Variants in CEP162 observed in about 807,000 individuals in gnomAD.
The protein encoded by CEP162 is centrosomal protein of 162 kDa.
A neutral mutation model predicts 169.2 loss-of-function variants in CEP162; 141 were observed. The ratio of observed to expected loss-of-function variants is 0.83; its 90% confidence interval spans 0.73 to 0.96. The LOEUF (loss-of-function observed/expected upper bound fraction) is 0.96, where lower values mean the gene tolerates loss of function less well. CEP162 is among the 40% of genes least tolerant of loss of function. The pLI, the probability that CEP162 is intolerant of heterozygous loss-of-function variation, is 0.00. For synonymous variants in CEP162, 540 were observed against 526.4 expected (o/e 1.03, Z -0.35); for missense variants, 1,600 against 1,587.2 (o/e 1.01, Z -0.14).
rs146193555 is a variant in CEP162 at position 84,131,947 on chromosome 6, T to C, written c.3871-5435A>G. ...GTTTCTTCCTAGCACTGATGGTCTT[T>C]ACAATTTGGCATGTTTTAGCAGTGG... On this transcript the variant is annotated intron_variant, in intron 25 of 26. Transcript: ENST00000403245. 2.6e-3 allele frequency among the ~76,000 whole-genome samples: 393 copies of C among 152,352 alleles called. 1 individual carries two copies. The highest frequency in any genetic ancestry group is 0.015 in the South Asian group (73 of 4,826).
At chr6:84,163,731 C>T (rs1258093879) in intron 18 of CEP162, among the ~76,000 whole-genome samples, 4 of 151,748 alleles carry the variant, frequency 2.6e-5, no homozygotes, top group African/African-American at 7.3e-5. Flanking sequence ...TTTGGGAGGC[C>T]AAGGTGGGCG....
At chr6:84,223,976 G>A (rs1236487759) in intron 2 of CEP162, among the ~76,000 whole-genome samples, 1 of 151,698 alleles carries the variant, frequency 6.6e-6, no homozygotes, top group Non-Finnish European at 1.5e-5. Flanking sequence ...AAATAACACA[G>A]TCATTTTAGA....
At chr6:84,207,865 A>C (rs999177081) in intron 6 of CEP162, among the ~76,000 whole-genome samples, 1 of 152,154 alleles carries the variant, frequency 6.6e-6, no homozygotes, top group East Asian at 1.9e-4. Flanking sequence ...AAATTTCTAG[A>C]GCTGCCCAAA....
Position 84,217,387 on chromosome 6 carries a change from C to T in CEP162, c.173-1465G>A, listed in dbSNP as rs150352799. ...GAAGGCTTTCACTGAGAAGTTAACA[C>T]GTGAGCTATGGCTTGGTGGGGGTGA... On this transcript the variant is annotated intron_variant, in intron 3 of 26. Coordinates refer to ENST00000403245, the MANE Select transcript of CEP162 (RefSeq NM_014895.4). Among the ~76,000 whole-genome samples, 14 of 152,226 alleles carry T rather than the reference C, an allele frequency of 9.2e-5. No individual in the cohort carries two copies. The East Asian group carries it at 1.4e-3, about 15-fold the overall frequency.
At chr6:84,223,212 C>T (rs1027837399) in intron 2 of CEP162, among the ~76,000 whole-genome samples, 7 of 152,084 alleles carry the variant, frequency 4.6e-5, no homozygotes, top group African/African-American at 1.7e-4. Flanking sequence ...AAAAATAAAA[C>T]AAAACAGGCC....
chr6:84,182,644 T>G (rs2099535403), intron 13 of CEP162, among the ~76,000 whole-genome samples: 1 of 152,048 alleles, frequency 6.6e-6, no homozygotes, highest in Non-Finnish European at 1.5e-5. Flanking sequence ...GCATCTACCT[T>G]TTACCTTTCA....
chr6:84,160,737 C>T, intron 21 of CEP162, 75 bp downstream of exon 21: 1 of 870,038 alleles, frequency 1.1e-6, no homozygotes, highest in Non-Finnish European at 1.9e-6. Context: ...CTCATGGGAA[C>T]TCCTGAAACA....
Position 84,193,593 on chromosome 6 carries a change from A to C in CEP162, c.1109+16T>G, listed in dbSNP as rs1446964959. ...AAAAGTTTCCAATGACAAAACAATA[A>C]ATAAAAAATTCATACCTGACAGGTT... On this transcript the variant is annotated intron_variant, in intron 11 of 26. Coordinates refer to ENST00000403245, the MANE Select transcript of CEP162 (RefSeq NM_014895.4). The C allele has an allele frequency of 2.0e-6, 3 of 1,482,018 alleles. No homozygotes were observed. Among genetic ancestry groups the C allele is most frequent in the Non-Finnish European group, 2.8e-6 (3 of 1,090,702 alleles). The allele number at this position is 1,482,018 out of a possible 1,614,324, so 91.8% of individuals were successfully genotyped here.
intron 3 of CEP162, chr6:84,219,268 C>G (rs1369394371): frequency 1.4e-6 from 1 of 714,782 alleles, no homozygotes; most frequent in African/African-American, 1.9e-5. Context: ...AATCAGGGAC[C>G]AGGTTATTCC....
rs569999182 is a variant in CEP162, at chr6:84,177,756, C to T, written c.1664-2409G>A. Among the ~76,000 whole-genome samples, 29 of 152,236 alleles carry T rather than the reference C, an allele frequency of 1.9e-4. No individual in the cohort carries two copies. In the East Asian group the frequency reaches 4.6e-3, roughly 24 times the overall value. On this transcript the variant is annotated intron_variant, in intron 13 of 26. Coordinates refer to ENST00000403245, the MANE Select transcript of CEP162 (RefSeq NM_014895.4). Reference sequence around the variant, plus strand: ...TTTACCATGTTGGCCAGGCTGGTCTCGAACTCTTTACCTCAAGTGACCTGC... The same window carrying T: ...TTTACCATGTTGGCCAGGCTGGTCTTGAACTCTTTACCTCAAGTGACCTGC...
rs1364398247 is a variant in CEP162, at chr6:84,213,079, C to G, written c.504-55G>C. The G allele has an allele frequency of 2.8e-6, 3 of 1,065,890 alleles. No individual in the cohort carries two copies. The African/African-American group carries it at 4.7e-5, about 17-fold the overall frequency. 66.0% of individuals were successfully genotyped at this position (1,065,890 alleles called of 1,614,324 possible). The stretch of plus-strand genomic sequence containing the variant: ...TACATGTTAAAAACATATTCTCATG[C>G]AACTCTTTCTGTATACCGTTTTAAA... On this transcript the variant is annotated intron_variant, in intron 5 of 26. Coordinates refer to ENST00000403245, the MANE Select transcript of CEP162 (RefSeq NM_014895.4).
chr6:84,193,755 A>C, intron 10 of CEP162, 65 bp from the exon 11 acceptor site: 1 of 846,780 alleles, frequency 1.2e-6, no homozygotes, highest in South Asian at 1.7e-5. Context: ...TACATGTGTA[A>C]TAACACCAAA....
intron 6 of CEP162, among the ~76,000 whole-genome samples, chr6:84,205,638 CA>C (rs1437398095): frequency 2.0e-5 from 3 of 152,110 alleles, no homozygotes; most frequent in African/African-American, 7.2e-5. Flanking sequence ...AAGCTGGAAG[CA>C]TTCCCTTTGA....
intron 24 of CEP162, 95 bp from the exon 25 acceptor site, chr6:84,146,880 T>A: frequency 1.8e-6 from 1 of 552,886 alleles, no homozygotes; most frequent in Non-Finnish European, 3.1e-6. Context: ...GGAACTCTTA[T>A]ATACTGTTGG....
At chr6:84,182,885 T>A (rs2127709186) in intron 13 of CEP162, among the ~76,000 whole-genome samples, 1 of 152,246 alleles carries the variant, frequency 6.6e-6, no homozygotes, top group East Asian at 1.9e-4. Flanking sequence ...CAATGTTGAT[T>A]TTAATTTTAA....
Position 84,174,201 on chromosome 6 carries a change from G to A in CEP162, c.2026-13C>T. 6.3e-7 allele frequency: 1 copy of A among 1,590,960 alleles called. No homozygotes were observed. Among genetic ancestry groups the A allele is most frequent in the Non-Finnish European group, 8.6e-7 (1 of 1,168,828 alleles). ...CAAAGCTGCTTAACTTGGAGAAATT[G>A]CAGAAATTGTTTTATTTGGGGAAGG... is the stretch of plus-strand genomic sequence containing the variant. On this transcript the variant is annotated splice_polypyrimidine_tract_variant and intron_variant, in intron 15 of 26. Coordinates refer to ENST00000403245, the MANE Select transcript of CEP162 (RefSeq NM_014895.4).
At chr6:84,180,146 A>T (rs1264590487) in intron 13 of CEP162, among the ~76,000 whole-genome samples, 1 of 152,160 alleles carries the variant, frequency 6.6e-6, no homozygotes, top group Admixed American at 6.5e-5. Flanking sequence ...CTTATCCACC[A>T]TGATCAGGTG....
chr6:84,166,631 T>C (rs562660451), intron 18 of CEP162, among the ~76,000 whole-genome samples: 1 of 152,264 alleles, frequency 6.6e-6, no homozygotes, highest in East Asian at 1.9e-4. Context: ...ATAAAGGCTG[T>C]CTGATTAAAT....
chr6:84,227,400 G>T (rs926286458), intron 1 of CEP162, among the ~76,000 whole-genome samples, 180 bp downstream of exon 1: 11 of 152,130 alleles, frequency 7.2e-5, no homozygotes, highest in Admixed American at 7.2e-4. Flanking sequence ...GCCTGGCTGC[G>T]ACCCCGTCCC....
Sources: gnomAD v4.1 joint callset for allele counts (sites outside exome capture counted in the v4.1 genomes callset) on GRCh38, gnomAD v4.1.1 for gene constraint, MANE v1.5 for transcripts, NCBI Gene and HGNC (gene_info 2026-07-23, HGNC 2026-07-21) for gene names.